Variants in CDCA7L observed in about 807,000 individuals in gnomAD.
CDCA7L encodes cell division cycle associated 7 like, also known as cell division cycle-associated 7-like protein.
In CDCA7L, 44 loss-of-function variants were observed where a neutral mutation model predicts 57.4. The ratio of observed to expected loss-of-function variants is 0.77; its 90% CI spans 0.60 to 0.98. The LOEUF (loss-of-function observed/expected upper bound fraction) is 0.98, where lower values mean the gene tolerates loss of function less well. Ranked by LOEUF, CDCA7L falls within the 50% of genes least tolerant of loss-of-function variation. CDCA7L has a pLI of 0.00. For missense variants in CDCA7L, 644 were observed against 580.6 expected, an observed-to-expected ratio of 1.11 and a Z score of -1.12; for synonymous variants, 236 against 202.8, an observed-to-expected ratio of 1.16 and a Z score of -1.39.
chr7:21,929,287 T>C (rs1313507657), intron 1 of CDCA7L, among the ~76,000 whole-genome samples: 1 of 151,888 alleles, frequency 6.6e-6, no homozygotes. Context: ...GCCTGCCTTA[T>C]AAGAGTTCCT....
chr7:21,901,157 TGA>T lies in CDCA7L; in HGVS notation c.*1163_*1164del. On this transcript the variant is annotated 3_prime_UTR_variant, in exon 10 of 10. Transcript: ENST00000406877. ...GAGTGCCCTGTGTATAGAACCAAAC[TGA>T]GAGGCCCCAGCTACATCTGGACCTT... is the stretch of plus-strand genomic sequence containing the variant. The T allele has an allele frequency of 1.2e-6, 2 of 1,613,800 alleles. No individual in the cohort carries two copies. The highest frequency in any genetic ancestry group is 1.6e-4 in the Middle Eastern group (1 of 6,062).
In CDCA7L at chr7:21,908,157, G is replaced by A. The variant is rs747008088; in HGVS notation, c.654C>T (p.Thr218=). The A allele has an allele frequency of 3.8e-6, 6 of 1,572,560 alleles. No individual in the cohort carries two copies. The highest frequency in any genetic ancestry group is 4.5e-5 in the East Asian group (2 of 44,270). ...QESSDALLKR[T]MNIKENKAML... ...TGGCTTTGTTCTCCTTGATGTTCAT[G>A]GTCCTTTTCAGCAAAGCATCTGAAC... The change falls in exon 4 of 10, where the codon ACC becomes ACT. Residue 218 remains threonine, a synonymous_variant. Coordinates refer to ENST00000406877, the MANE Select transcript of CDCA7L (RefSeq NM_018719.5).
rs1289730639 is a variant in CDCA7L at position 21,901,241 on chromosome 7, T to C, written c.*1081A>G. ...TGGGTTCTGGCTGGAGTGGCTCTGC[T>C]TCTAGAAGCGTAAGGTAACACTGGC... On this transcript the variant is annotated 3_prime_UTR_variant, in exon 10 of 10. Coordinates refer to ENST00000406877, the MANE Select transcript of CDCA7L (RefSeq NM_018719.5). 3.1e-6 allele frequency: 5 copies of C among 1,606,206 alleles called. No homozygotes were observed. The highest frequency in any genetic ancestry group is 4.3e-6 in the Non-Finnish European group (5 of 1,176,186).
At chr7:21,911,547 C>T in intron 3 of CDCA7L, 70 bp downstream of exon 3, 2 of 1,512,452 alleles carry the variant, frequency 1.3e-6, no homozygotes, top group Non-Finnish European at 8.8e-7. Context: ...TGACTGCTTA[C>T]AAGTAAAACT....
At chr7:21,923,874 G>T (rs1031915045) in intron 1 of CDCA7L, among the ~76,000 whole-genome samples, 70 of 152,332 alleles carry the variant, frequency 4.6e-4, no homozygotes, top group African/African-American at 1.6e-3. Context: ...GCTTCTCGTT[G>T]AGTAGGTGCC....
chr7:21,908,470 G>C lies in CDCA7L; in HGVS notation c.341C>G (p.Ser114Cys). Residue 114 changes from serine to cysteine, a missense_variant, in exon 4 of 10, where the codon TCT (serine) becomes TGT (cysteine). Physicochemically the swap from Ser to Cys is moderately radical, Grantham distance 112. Coordinates refer to ENST00000406877, the MANE Select transcript of CDCA7L (RefSeq NM_018719.5). ...ATCTTCCTCTTCCTCGCTCACCAAAGATGCTTTGCCATCATCACTCAAATC... is the reference window on the plus strand; with the variant it reads ...ATCTTCCTCTTCCTCGCTCACCAAACATGCTTTGCCATCATCACTCAAATC... ...ESDLSDDGKASLVSEEEEDEE... is the reference protein window; with the variant it reads ...ESDLSDDGKACLVSEEEEDEE... 2 of 1,547,590 alleles carry C rather than the reference G, an allele frequency of 1.3e-6. No homozygotes were observed. The highest frequency in any genetic ancestry group is 1.4e-5 in the African/African-American group (1 of 72,026).
At chr7:21,944,579 A>G (rs1170019617) in intron 1 of CDCA7L, 1 of 151,948 alleles carries the variant, frequency 6.6e-6, no homozygotes, top group African/African-American at 2.4e-5. Flanking sequence ...ATCTCACAGG[A>G]GGCATTTTAA....
At chr7:21,936,161 T>A (rs946098454) in intron 1 of CDCA7L, among the ~76,000 whole-genome samples, 9 of 152,104 alleles carry the variant, frequency 5.9e-5, no homozygotes, top group Non-Finnish European at 1.2e-4. Context: ...CTGAATATAT[T>A]TGAAATAAGG....
chr7:21,905,282 C>G (rs1289821103), intron 7 of CDCA7L, among the ~76,000 whole-genome samples: 1 of 152,118 alleles, frequency 6.6e-6, no homozygotes, highest in Non-Finnish European at 1.5e-5. Flanking sequence ...TCCCTTCCCC[C>G]AGATTCTACG....
At chr7:21,926,800 G>C (rs1352625273) in intron 1 of CDCA7L, among the ~76,000 whole-genome samples, 1 of 152,168 alleles carries the variant, frequency 6.6e-6, no homozygotes, top group Non-Finnish European at 1.5e-5. Flanking sequence ...TTAAGCCTGC[G>C]AGTTTGAGGC....
intron 1 of CDCA7L, among the ~76,000 whole-genome samples, chr7:21,922,840 G>A (rs1236031962): frequency 6.6e-6 from 1 of 152,124 alleles, no homozygotes; most frequent in Non-Finnish European, 1.5e-5. Context: ...ACACTAAAAA[G>A]GAAGGAAATT....
Position 21,911,713 on chromosome 7 carries a change from T to C in CDCA7L, c.207A>G (p.Leu69=). The change falls in exon 3 of 10, where the codon CTA becomes CTG. Residue 69 remains leucine (L), a synonymous_variant. Coordinates refer to ENST00000406877, the MANE Select transcript of CDCA7L (RefSeq NM_018719.5). ...CAGTGTCCTCTATAAAAATTCTTCTTAGCTCTTCTGTGAAGTATTTGGAAT... is the reference window on the plus strand; with the variant it reads ...CAGTGTCCTCTATAAAAATTCTTCTCAGCTCTTCTGTGAAGTATTTGGAAT... The part of the protein sequence containing the change: ...RFHSKYFTEE[L]RRIFIEDTDS... 1 of 1,613,912 alleles carries C rather than the reference T, an allele frequency of 6.2e-7. No individual in the cohort carries two copies. Among genetic ancestry groups the C allele is most frequent in the Non-Finnish European group, 8.5e-7 (1 of 1,179,960 alleles).
At position 21,901,426 on chromosome 7, in the gene CDCA7L, A is replaced by T; in HGVS notation, c.*896T>A. 4.3e-6 allele frequency: 4 copies of T among 929,890 alleles called. No homozygotes were observed. The highest frequency in any genetic ancestry group is 4.3e-6 in the Non-Finnish European group (3 of 690,344). 57.6% of individuals were successfully genotyped at this position (929,890 alleles called of 1,614,324 possible). A position where few individuals can be genotyped will look rare whatever the true frequency, so the allele number is the denominator to read the frequency against. On this transcript the variant is annotated 3_prime_UTR_variant, in exon 10 of 10. Coordinates refer to ENST00000406877, the MANE Select transcript of CDCA7L (RefSeq NM_018719.5). ...AGAAAAAAATACTAGAAACTAACTC[A>T]GGGCTGAGCGTGGTGGCACACGACT...
At chr7:21,937,546 G>A (rs1249502008) in intron 1 of CDCA7L, among the ~76,000 whole-genome samples, 1 of 151,890 alleles carries the variant, frequency 6.6e-6, no homozygotes, top group African/African-American at 2.4e-5. Flanking sequence ...GCTGAGGCAG[G>A]AGAATTGCTT....
intron 1 of CDCA7L, among the ~76,000 whole-genome samples, chr7:21,925,226 A>C (rs775009342): frequency 2.6e-5 from 4 of 152,190 alleles, no homozygotes; most frequent in African/African-American, 7.2e-5. Flanking sequence ...AAACAAAGAA[A>C]ACTCACTAGG....
rs1785134741 is a variant in CDCA7L, at chr7:21,906,251, T to C, written c.921+38A>G. ...CGTTCACGTTTGGAGGGATGGTAGC[T>C]CAGACAAAAACTAATTCATGTATTA... On this transcript the variant is annotated intron_variant, in intron 6 of 9. Transcript: ENST00000406877. 3.9e-6 allele frequency: 6 copies of C among 1,551,286 alleles called. No individual in the cohort carries two copies. The South Asian group carries it at 6.1e-5, about 16-fold the overall frequency.
At chr7:21,936,024 T>C in intron 1 of CDCA7L, among the ~76,000 whole-genome samples, 1 of 151,886 alleles carries the variant, frequency 6.6e-6, no homozygotes, top group South Asian at 2.1e-4. Flanking sequence ...AATAAATAAA[T>C]AAATAAATAG....
chr7:21,943,858 A>C (rs74680953), intron 1 of CDCA7L, among the ~76,000 whole-genome samples: 15,306 of 152,222 alleles, frequency 0.1, 1,006 homozygotes, highest in Non-Finnish European at 0.15. Context: ...AACTACCAAA[A>C]ATTAGCCTCA....
chr7:21,906,040 A>G (rs1764408679), intron 6 of CDCA7L, among the ~76,000 whole-genome samples: 1 of 152,202 alleles, frequency 6.6e-6, no homozygotes, highest in South Asian at 2.1e-4. Flanking sequence ...GGTCCTAACA[A>G]ATGAGCTGCT....
Sources: gnomAD v4.1 joint callset for allele counts (sites outside exome capture counted in the v4.1 genomes callset) on GRCh38, gnomAD v4.1.1 for gene constraint, MANE v1.5 for transcripts, NCBI Gene and HGNC (gene_info 2026-07-23, HGNC 2026-07-21) for gene names.